Variants in CYP4F8 observed in about 807,000 individuals in gnomAD.
CYP4F8 encodes cytochrome P450 4F8.
In CYP4F8, 56 loss-of-function variants were observed where a neutral mutation model predicts 55.0. The ratio of observed to expected loss-of-function variants is 1.02; its 90% CI spans 0.82 to 1.27. The LOEUF is 1.27. Among genes scored for constraint, CYP4F8 ranks in the 50% most tolerant of loss-of-function variants. CYP4F8 has a pLI of 0.00. For missense variants in CYP4F8, 680 were observed against 682.4 expected (o/e 1.00, Z 0.04); for synonymous variants, 288 against 267.3 (o/e 1.08, Z -0.76).
chr19:15,628,670 C>T, intron 11 of CYP4F8, 75 bp downstream of exon 11: 1 of 1,606,204 alleles, frequency 6.2e-7, no homozygotes, highest in Non-Finnish European at 8.5e-7. Context: ...ACCAGATACT[C>T]CCTCTCTACT....
rs1972236860 is a variant in CYP4F8, at chr19:15,624,400, C to G, written c.1115+306C>G. ...GGGGGTGTGGGGAATTGCTGTCCCA[C>G]AGGGCTGCTTGGAGAATTAACGGCA... On this transcript the variant is annotated intron_variant, in intron 9 of 12. Transcript: ENST00000612078. Among the ~76,000 whole-genome samples, 10 of 152,324 alleles carry G rather than the reference C, an allele frequency of 6.6e-5. No individual in the cohort carries two copies. The South Asian group carries it at 1.7e-3, about 25-fold the overall frequency.
Position 15,623,360 on chromosome 19 carries a change from G to A in CYP4F8, c.903G>A (p.Val301=). 6.2e-7 allele frequency: 1 copy of A among 1,613,520 alleles called. No individual in the cohort carries two copies. Among genetic ancestry groups the A allele is most frequent in the Middle Eastern group, 1.7e-4 (1 of 6,058 alleles). ...CCAAGACTTTGGACTTTATTGATGT[G>A]CTCCTGCTGAGCGAGGTGGGCCTCT... ...AKSKTLDFID[V]LLLSEDKNGK... The change falls in exon 7 of 13, where the codon GTG becomes GTA. Residue 301 remains valine, a synonymous_variant. Transcript: ENST00000612078.
In CYP4F8 at chr19:15,619,691, A is replaced by G. The variant is rs1406389712; in HGVS notation, c.454A>G (p.Thr152Ala). The G allele has an allele frequency of 1.2e-6, 2 of 1,614,046 alleles. No individual in the cohort carries two copies. Among genetic ancestry groups the G allele is most frequent in the African/African-American group, 1.3e-5 (1 of 74,926 alleles). ...GTGGAGACACCACCGTCGCTTGCTG[A>G]CGCCTGCCTTCCATTTCAACATCCT... ...DKWRHHRRLL[T>A]PAFHFNILKP... Residue 152 changes from threonine to alanine, a missense_variant, in exon 5 of 13, where the codon ACG becomes GCG. Coordinates refer to ENST00000612078, the MANE Select transcript of CYP4F8 (RefSeq NM_007253.4).
At chr19:15,616,022 T>G (rs1474095625) in intron 2 of CYP4F8, among the ~76,000 whole-genome samples, 1 of 148,356 alleles carries the variant, frequency 6.7e-6, no homozygotes, top group Non-Finnish European at 1.5e-5. Context: ...ATTCCTCTCC[T>G]CACTCACTCA....
chr19:15,628,821 A>G lies in CYP4F8; in HGVS notation c.1375A>G (p.Ile459Val). 1 of 1,606,272 alleles carries G rather than the reference A, an allele frequency of 6.2e-7. No individual in the cohort carries two copies. The highest frequency in any genetic ancestry group is 8.5e-7 in the Non-Finnish European group (1 of 1,176,900). The change falls in exon 12 of 13, where the codon ATT (isoleucine) becomes GTT (valine). Residue 459 changes from isoleucine to valine, a missense_variant. Transcript: ENST00000612078. Reference sequence around the variant, plus strand: ...CCAGAAGAGGTCACCTATGGCTTTTATTCCTTTCTCGGCGGGGCCCAGGTG... The same window carrying G: ...CCAGAAGAGGTCACCTATGGCTTTTGTTCCTTTCTCGGCGGGGCCCAGGTG... ...NAQKRSPMAF[I>V]PFSAGPRNCI...
At chr19:15,619,388 TG>T in intron 3 of CYP4F8, 101 bp from the exon 4 acceptor site, 1 of 1,413,228 alleles carries the variant, frequency 7.1e-7, no homozygotes, top group Non-Finnish European at 9.7e-7. Flanking sequence ...ATGCTGGGCT[TG>T]GAGAAAAGAC....
intron 9 of CYP4F8, among the ~76,000 whole-genome samples, chr19:15,626,952 T>C (rs898590962): frequency 1.3e-5 from 2 of 152,214 alleles, no homozygotes; most frequent in Admixed American, 1.3e-4. Flanking sequence ...TCCACCACAC[T>C]ATCCATTCTC....
rs778787167 is a variant in CYP4F8 at position 15,615,773 on chromosome 19, C to A, written c.157C>A (p.Gln53Lys). ...CGGCCGCCGCCTCCGGTGTTTCCCG[C>A]AGCCCCGGAAACAGAACTGGTTCTT... ...HNGRRLRCFP[Q>K]PRKQNWFLGH... is the part of the protein sequence containing the mutation. The change falls in exon 2 of 13, where the codon CAG becomes AAG. Residue 53 changes from glutamine to lysine, a missense_variant. Gln to Lys is a moderately conservative substitution (Grantham distance 53, BLOSUM62 1). Transcript: ENST00000612078. The A allele has an allele frequency of 1.5e-5, 24 of 1,613,786 alleles. No homozygotes were observed. In the South Asian group the frequency reaches 2.3e-4, roughly 16 times the overall value.
intron 12 of CYP4F8, 139 bp downstream of exon 12, chr19:15,628,982 G>A: frequency 8.0e-7 from 1 of 1,251,722 alleles, no homozygotes; most frequent in Non-Finnish European, 1.1e-6. Flanking sequence ...GGTGTGCTCA[G>A]AGCCTCCTGC....
Position 15,617,998 on chromosome 19 carries a change from A to G in CYP4F8, c.199-2A>G. 1 of 1,613,470 alleles carries G rather than the reference A, an allele frequency of 6.2e-7. No homozygotes were observed. Among genetic ancestry groups the G allele is most frequent in the East Asian group, 2.2e-5 (1 of 44,884 alleles). Reference sequence around the variant, plus strand: ...AGGTGATGGCCCTTGCCTTGCTTGCAGGTCACTCCCACAGAGGAGGGCTTG... The same window carrying G: ...AGGTGATGGCCCTTGCCTTGCTTGCGGGTCACTCCCACAGAGGAGGGCTTG... On this transcript the variant is annotated splice_acceptor_variant, in intron 2 of 12. Coordinates refer to ENST00000612078, the MANE Select transcript of CYP4F8 (RefSeq NM_007253.4). LOFTEE classifies it high-confidence loss of function.
chr19:15,623,867 T>G, intron 8 of CYP4F8, 98 bp from the exon 9 acceptor site: 2 of 1,592,374 alleles, frequency 1.3e-6, no homozygotes, highest in South Asian at 2.2e-5. Context: ...AACCTCCCCC[T>G]CCCCTCAACC....
At chr19:15,618,183 C>T in intron 3 of CYP4F8, 39 bp downstream of exon 3, 1 of 1,613,796 alleles carries the variant, frequency 6.2e-7, no homozygotes, top group East Asian at 2.2e-5. Flanking sequence ...CACAGGAGAA[C>T]ATTGGAGGGC....
chr19:15,619,692 C>A lies in CYP4F8; in HGVS notation c.455C>A (p.Thr152Lys), dbSNP rs61746468. Residue 152 changes from threonine (T) to lysine (K), a missense_variant, in exon 5 of 13, where the codon ACG becomes AAG. Coordinates refer to ENST00000612078, the MANE Select transcript of CYP4F8 (RefSeq NM_007253.4). ...DKWRHHRRLLTPAFHFNILKP... is the reference protein window; with the variant it reads ...DKWRHHRRLLKPAFHFNILKP... The stretch of plus-strand genomic sequence containing the variant: ...TGGAGACACCACCGTCGCTTGCTGA[C>A]GCCTGCCTTCCATTTCAACATCCTG... 88 of 1,614,010 alleles carry A rather than the reference C, an allele frequency of 5.5e-5. No individual in the cohort carries two copies. Among genetic ancestry groups the A allele is most frequent in the Non-Finnish European group, 7.1e-5 (84 of 1,179,938 alleles).
intron 2 of CYP4F8, among the ~76,000 whole-genome samples, chr19:15,616,397 C>G (rs1286677679): frequency 3.9e-5 from 6 of 152,146 alleles, no homozygotes; most frequent in Non-Finnish European, 8.8e-5. Flanking sequence ...GTTTTGAATT[C>G]TTTTCCTGAC....
chr19:15,622,983 G>A (rs2072603), intron 6 of CYP4F8, 122 bp from the exon 7 acceptor site: 100,029 of 1,203,306 alleles, frequency 0.083, 8,332 homozygotes, highest in East Asian at 0.45. Flanking sequence ...GGCAGAGAGT[G>A]AAGTGCGCTT....
At chr19:15,615,964 CTCACT>C (rs1468725985) in intron 2 of CYP4F8, 150 bp downstream of exon 2, 13 of 222,544 alleles carry the variant, frequency 5.8e-5, no homozygotes, top group Admixed American at 9.3e-5. Context: ...CATTCCTCTC[CTCACT>C]CACTCATTCC....
chr19:15,622,152 G>A, intron 5 of CYP4F8, 67 bp from the exon 6 acceptor site: 1 of 1,553,046 alleles, frequency 6.4e-7, no homozygotes, highest in Non-Finnish European at 8.7e-7. Flanking sequence ...CATCCTGGTG[G>A]TTGGGGTTGC....
intron 3 of CYP4F8, chr19:15,618,610 A>G (rs1972154369): frequency 3.1e-6 from 1 of 319,774 alleles, no homozygotes. Flanking sequence ...AAGCAGGGGC[A>G]GGGTGATGCA....
At chr19:15,620,535 C>T (rs559553866) in intron 5 of CYP4F8, among the ~76,000 whole-genome samples, 5 of 152,232 alleles carry the variant, frequency 3.3e-5, no homozygotes, top group South Asian at 2.1e-4. Flanking sequence ...GAATTACAGG[C>T]GCCCACCACC....
Sources: gnomAD v4.1 joint callset for allele counts (sites outside exome capture counted in the v4.1 genomes callset) on GRCh38, gnomAD v4.1.1 for gene constraint, MANE v1.5 for transcripts, NCBI Gene and HGNC (gene_info 2026-07-23, HGNC 2026-07-21) for gene names.